YTHDF2: variants seen among roughly 807,000 people sequenced by gnomAD.
YTHDF2 encodes the protein YTH N6-methyladenosine RNA binding protein F2.
Under a neutral mutation model 50.4 loss-of-function variants are expected in YTHDF2, and 2 were observed. The observed-to-expected ratio is 0.04, with a 90% CI of 0.02 to 0.12. The LOEUF is 0.12. Ranked by LOEUF, YTHDF2 falls within the 10% of genes least tolerant of loss-of-function variation. YTHDF2 has a pLI of 1.00. For synonymous variants in YTHDF2, 217 were observed against 255.6 expected (o/e 0.85, Z 1.44); for missense variants, 483 against 722.6 (o/e 0.67, Z 3.80).
At chr1:28,756,378 AACCAAGAATC>A (rs1557547741) in intron 4 of YTHDF2, among the ~76,000 whole-genome samples, 1 of 152,188 alleles carries the variant, frequency 6.6e-6, no homozygotes, top group Non-Finnish European at 1.5e-5. Context: ...GAATAGTTTA[AACCAAGAATC>A]ACTCAAGTAT....
upstream of YTHDF2, chr1:28,736,854 G>A: frequency 3.7e-6 from 1 of 273,598 alleles, no homozygotes; most frequent in Non-Finnish European, 7.1e-6. Flanking sequence ...CGCGCCGCCC[G>A]CCTCCGCTGT....
At chr1:28,767,123 G>A (rs2088231204) in intron 4 of YTHDF2, among the ~76,000 whole-genome samples, 1 of 151,648 alleles carries the variant, frequency 6.6e-6, no homozygotes, top group Non-Finnish European at 1.5e-5. Flanking sequence ...GATTACAGGT[G>A]TGAGCCACCA....
At chr1:28,738,363 C>A in intron 3 of YTHDF2, 25 bp downstream of exon 3, 1 of 1,558,188 alleles carries the variant, frequency 6.4e-7, no homozygotes. Context: ...ATTTACATAT[C>A]TAATCGAAGG....
chr1:28,753,863 C>T (rs1295315365), intron 4 of YTHDF2, among the ~76,000 whole-genome samples: 2 of 151,914 alleles, frequency 1.3e-5, no homozygotes, highest in Admixed American at 6.6e-5. Flanking sequence ...CCTGTCACCA[C>T]GCCCAGCTAA....
chr1:28,750,014 G>A (rs866561524), intron 4 of YTHDF2, among the ~76,000 whole-genome samples: 14 of 91,270 alleles, frequency 1.5e-4, no homozygotes, highest in Admixed American at 2.8e-4. Context: ...TTTTGAGATG[G>A]AGTTTCACTT....
At chr1:28,748,005 G>T (rs1479255850) in intron 4 of YTHDF2, among the ~76,000 whole-genome samples, 1 of 128,594 alleles carries the variant, frequency 7.8e-6, no homozygotes, top group Non-Finnish European at 1.7e-5. Flanking sequence ...GTGGGCTCCT[G>T]TAGTCCCAGC....
At chr1:28,751,481 A>G (rs1257885099) in intron 4 of YTHDF2, among the ~76,000 whole-genome samples, 6 of 152,086 alleles carry the variant, frequency 3.9e-5, no homozygotes, top group East Asian at 1.9e-4. Context: ...AAGGCCATCT[A>G]TGTCTATTTT....
At chr1:28,760,878 C>T (rs2088113318) in intron 4 of YTHDF2, among the ~76,000 whole-genome samples, 1 of 152,036 alleles carries the variant, frequency 6.6e-6, no homozygotes, top group South Asian at 2.1e-4. Flanking sequence ...CTGCGCCTGG[C>T]CGAATTTGTT....
At chr1:28,750,684 G>C (rs1260036462) in intron 4 of YTHDF2, among the ~76,000 whole-genome samples, 5 of 152,040 alleles carry the variant, frequency 3.3e-5, no homozygotes, top group Non-Finnish European at 7.4e-5. Context: ...AGAAGGGATT[G>C]GTGCATTCTC....
chr1:28,742,068 A>G (rs1392546152), intron 3 of YTHDF2, among the ~76,000 whole-genome samples: 1 of 112,962 alleles, frequency 8.9e-6, no homozygotes, highest in Admixed American at 1.0e-4. Flanking sequence ...TTTCCTGGAG[A>G]TGGAGTTTCA....
intron 4 of YTHDF2, among the ~76,000 whole-genome samples, chr1:28,767,548 G>A (rs146064637): frequency 0.015 from 2,221 of 151,336 alleles, 19 homozygotes; most frequent in Middle Eastern, 0.059. Context: ...TCGCTTTGTC[G>A]CCCAGGCTGG....
intron 4 of YTHDF2, among the ~76,000 whole-genome samples, chr1:28,764,842 C>T (rs1194593988): frequency 6.6e-6 from 1 of 152,048 alleles, no homozygotes; most frequent in Non-Finnish European, 1.5e-5. Flanking sequence ...CCGTGCCAGG[C>T]CTTAATGTTT....
intron 2 of YTHDF2, 152 bp downstream of exon 2, chr1:28,737,834 G>T: frequency 1.2e-6 from 1 of 837,806 alleles, no homozygotes. Context: ...CTTTCGGTGT[G>T]TTCTTGCAGC....
intron 2 of YTHDF2, chr1:28,737,939 C>T (rs978319841): frequency 1.7e-6 from 1 of 580,592 alleles, no homozygotes; most frequent in East Asian, 2.9e-5. Flanking sequence ...TCCTGTAGGT[C>T]TTAGAAGGCC....
intron 4 of YTHDF2, among the ~76,000 whole-genome samples, chr1:28,760,271 T>TTGTGTGTGTG (rs28969505): frequency 4.3e-4 from 63 of 147,362 alleles, no homozygotes; most frequent in Middle Eastern, 6.9e-3. Context: ...ACATAGTAGG[T>TTGTGTGTGTG]TGTGTGTGTG....
At chr1:28,740,893 C>T (rs1455468786) in intron 3 of YTHDF2, among the ~76,000 whole-genome samples, 3 of 151,762 alleles carry the variant, frequency 2.0e-5, no homozygotes, top group East Asian at 1.9e-4. Context: ...TTGCTAGAGA[C>T]GGGGTTTTAA....
At chr1:28,756,805 G>C (rs901134071) in intron 4 of YTHDF2, among the ~76,000 whole-genome samples, 1 of 149,574 alleles carries the variant, frequency 6.7e-6, no homozygotes, top group African/African-American at 2.6e-5. Flanking sequence ...CTGCCTGCCT[G>C]CCTGCCTTTA....
chr1:28,737,404 G>C lies in YTHDF2; in HGVS notation c.28-254G>C, dbSNP rs2087709746. 1.3e-5 allele frequency: 8 copies of C among 635,662 alleles called. No homozygotes were observed. In the South Asian group the frequency reaches 1.3e-4, roughly 10 times the overall value. The allele number at this position is 635,662 out of a possible 1,614,324, so 39.4% of individuals were successfully genotyped here. On this transcript the variant is annotated intron_variant, in intron 1 of 4. Coordinates refer to ENST00000373812, the MANE Select transcript of YTHDF2 (RefSeq NM_016258.3). ...TCGGCGGGCCTCGTTTTCCTTCCTTGTTTCCTTCCCCTTCCTTAAAGCCCT... is the reference window on the plus strand; with the variant it reads ...TCGGCGGGCCTCGTTTTCCTTCCTTCTTTCCTTCCCCTTCCTTAAAGCCCT...
At chr1:28,760,312 T>A (rs866705184) in intron 4 of YTHDF2, among the ~76,000 whole-genome samples, 2 of 142,158 alleles carry the variant, frequency 1.4e-5, no homozygotes, top group South Asian at 2.2e-4. Flanking sequence ...TGTGTGTGTG[T>A]GTGACGGAGT....
Sources: gnomAD v4.1 joint callset for allele counts (sites outside exome capture counted in the v4.1 genomes callset) on GRCh38, gnomAD v4.1.1 for gene constraint, MANE v1.5 for transcripts, NCBI Gene and HGNC (gene_info 2026-07-23, HGNC 2026-07-21) for gene names.